The following TRIOBP variants were observed in gnomAD, a reference collection of about 807,000 sequenced individuals.
TRIOBP encodes the protein TRIO and F-actin binding protein.
A neutral mutation model predicts 238.8 loss-of-function variants in TRIOBP; 169 were observed. The ratio of observed to expected loss-of-function variants is 0.71; its 90% CI spans 0.62 to 0.80. The LOEUF is 0.80. Among genes scored for constraint, TRIOBP ranks in the 30% least tolerant of loss-of-function variants. The probability of loss-of-function intolerance (pLI) is 0.00; values close to 1 mark genes in which losing one functional copy is unlikely to be tolerated. For missense variants in TRIOBP, 2,838 were observed against 3,122.6 expected, an observed-to-expected ratio of 0.91 and a Z score of 2.17; for synonymous variants, 1,150 against 1,274.4, an observed-to-expected ratio of 0.90 and a Z score of 2.08.
chr22:37,770,873 G>A lies in TRIOBP; in HGVS notation c.6850-777G>A, dbSNP rs560462418. Among the ~76,000 whole-genome samples, 10 of 151,778 alleles carry A rather than the reference G, an allele frequency of 6.6e-5. No homozygotes were observed. The East Asian group carries it at 7.8e-4, about 12-fold the overall frequency. On this transcript the variant is annotated intron_variant, in intron 21 of 23. Coordinates refer to ENST00000644935, the MANE Select transcript of TRIOBP (RefSeq NM_001039141.3). ...AATTTTTTGTATTTTTAGTAGAGACGGGGTTTCACCATGTTAGCCGGGATG... is the reference window on the plus strand; with the variant it reads ...AATTTTTTGTATTTTTAGTAGAGACAGGGTTTCACCATGTTAGCCGGGATG...
At chr22:37,741,582 C>G (rs1197587413) in intron 11 of TRIOBP, among the ~76,000 whole-genome samples, 1 of 152,238 alleles carries the variant, frequency 6.6e-6, no homozygotes, top group Non-Finnish European at 1.5e-5. Context: ...CTCCAGCAGC[C>G]ACAGGCTGGC....
chr22:37,710,605 G>T, intron 4 of TRIOBP, 39 bp downstream of exon 4: 2 of 1,593,194 alleles, frequency 1.3e-6, no homozygotes, highest in Non-Finnish European at 1.7e-6. Context: ...GCTTCATGGG[G>T]TGGAATGCCC....
chr22:37,699,761 G>A (rs545594893), intron 2 of TRIOBP, among the ~76,000 whole-genome samples: 3 of 152,178 alleles, frequency 2.0e-5, no homozygotes, highest in South Asian at 4.1e-4. Context: ...GGCTGGTCTC[G>A]AACTCCTGAC....
At chr22:37,749,051 G>C (rs1357608294) in intron 11 of TRIOBP, among the ~76,000 whole-genome samples, 1 of 152,120 alleles carries the variant, frequency 6.6e-6, no homozygotes, top group Non-Finnish European at 1.5e-5. Context: ...GCTGGACTTT[G>C]TTTTAAAGCC....
In TRIOBP at chr22:37,734,767, G is replaced by T; in HGVS notation, c.4431G>T (p.Trp1477Cys). ...LGAAKAPEGA[W>C]GGTSREYKES... Reference sequence around the variant, plus strand: ...CAGCCAAAGCCCCGGAGGGAGCATGGGGGGGCACTTCCAGGGAGTACAAGG... The same window carrying T: ...CAGCCAAAGCCCCGGAGGGAGCATGTGGGGGCACTTCCAGGGAGTACAAGG... The change falls in exon 9 of 24, where the codon TGG becomes TGT. Residue 1477 changes from tryptophan (W) to cysteine (C), a missense_variant. Physicochemically the swap from Trp to Cys is radical, Grantham distance 215. Transcript: ENST00000644935. 6.2e-7 allele frequency: 1 copy of T among 1,612,272 alleles called. No individual in the cohort carries two copies. Among genetic ancestry groups the T allele is most frequent in the Non-Finnish European group, 8.5e-7 (1 of 1,179,692 alleles).
At chr22:37,759,052 G>C in intron 16 of TRIOBP, 102 bp from the exon 17 acceptor site, 1 of 970,542 alleles carries the variant, frequency 1.0e-6, no homozygotes. Flanking sequence ...AGGGACGCTG[G>C]GCTTGTATCC....
chr22:37,714,101 C>T (rs892513122), intron 5 of TRIOBP, among the ~76,000 whole-genome samples: 3 of 152,154 alleles, frequency 2.0e-5, no homozygotes, highest in Non-Finnish European at 4.4e-5. Flanking sequence ...AGATTTCAGT[C>T]GCCCCATATG....
Position 37,765,800 on chromosome 22 carries a change from C to A in TRIOBP, c.6455C>A (p.Thr2152Lys), listed in dbSNP as rs534215753. 6.3e-7 allele frequency: 1 copy of A among 1,581,092 alleles called. No individual in the cohort carries two copies. The highest frequency in any genetic ancestry group is 8.5e-7 in the Non-Finnish European group (1 of 1,170,298). Reference protein sequence around the residue: ...QEKEWLLAEETAATASAIEAM... With the variant: ...QEKEWLLAEEKAATASAIEAM... ...AAGGAGTGGCTCCTGGCTGAGGAGA[C>A]GGCAGCCACGGCCTCAGGTATGGAC... Residue 2152 changes from threonine (T) to lysine (K), a missense_variant, in exon 18 of 24, where the codon ACG becomes AAG. Thr to Lys is a moderately conservative substitution (Grantham distance 78). This residue lies in a region of TRIOBP where 2,096 missense variants were observed against 2,137.4 expected (regional missense o/e 0.98). Coordinates refer to ENST00000644935, the MANE Select transcript of TRIOBP (RefSeq NM_001039141.3).
chr22:37,759,769 C>T lies in TRIOBP; in HGVS notation c.6324+505C>T, dbSNP rs904415270. ...TAGGACAGCGGTTCTCAACGGGGTC[C>T]ATTTTGTCCCCCTTGGGGACATTTG... On this transcript the variant is annotated intron_variant, in intron 17 of 23. Coordinates refer to ENST00000644935, the MANE Select transcript of TRIOBP (RefSeq NM_001039141.3). 2.2e-5 allele frequency: 31 copies of T among 1,394,236 alleles called. No homozygotes were observed. In the African/African-American group the frequency reaches 4.2e-4, roughly 19 times the overall value. The allele number at this position is 1,394,236 out of a possible 1,614,324, so 86.4% of individuals were successfully genotyped here. A position where few individuals can be genotyped will look rare whatever the true frequency, so the allele number is the denominator to read the frequency against.
chr22:37,763,296 C>T (rs991863361), intron 17 of TRIOBP, among the ~76,000 whole-genome samples: 15 of 152,146 alleles, frequency 9.9e-5, no homozygotes, highest in Admixed American at 3.9e-4. Context: ...TCAGAGGGGG[C>T]GAGGGGTTTG....
In TRIOBP at chr22:37,723,349, G is replaced by A. The variant is rs960389889; in HGVS notation, c.793G>A (p.Asp265Asn). The change falls in exon 7 of 24, where the codon GAC becomes AAC. Residue 265 changes from aspartate (D) to asparagine (N), a missense_variant. Physicochemically the swap from Asp to Asn is conservative, Grantham distance 23. Around this residue, in one of 5 missense-constraint regions of TRIOBP, gnomAD observed 535 missense variants for 537.3 expected, o/e 1.00. Coordinates refer to ENST00000644935, the MANE Select transcript of TRIOBP (RefSeq NM_001039141.3). ...TTSQASPAQR[D>N]TAQAASTREI... ...GTCTCAGGCTTCTCCTGCCCAAAGGGACACTGCTCAGGCTGCCTCTACACG... is the reference window on the plus strand; with the variant it reads ...GTCTCAGGCTTCTCCTGCCCAAAGGAACACTGCTCAGGCTGCCTCTACACG... 8 of 1,614,042 alleles carry A rather than the reference G, an allele frequency of 5.0e-6. No homozygotes were observed. Among genetic ancestry groups the A allele is most frequent in the Non-Finnish European group, 5.9e-6 (7 of 1,179,984 alleles).
At chr22:37,749,658 A>G (rs900108461) in intron 11 of TRIOBP, among the ~76,000 whole-genome samples, 2 of 151,588 alleles carry the variant, frequency 1.3e-5, no homozygotes, top group Admixed American at 6.6e-5. Flanking sequence ...AAAAACTCAC[A>G]TTGGTTGGCC....
At chr22:37,768,805 C>CT (rs981594580) in intron 19 of TRIOBP, among the ~76,000 whole-genome samples, 1 of 147,936 alleles carries the variant, frequency 6.8e-6, no homozygotes, top group African/African-American at 2.5e-5. Context: ...AAGACTCCAT[C>CT]TAAAAAAAAA....
chr22:37,712,950 C>CT (rs1036340862), intron 4 of TRIOBP, among the ~76,000 whole-genome samples: 2 of 143,138 alleles, frequency 1.4e-5, no homozygotes, highest in Non-Finnish European at 3.0e-5. Context: ...GAGCGAGACT[C>CT]TGTCTCAAAA....
chr22:37,726,230 G>T lies in TRIOBP; in HGVS notation c.3674G>T (p.Arg1225Leu), dbSNP rs753853192. 2 of 1,605,796 alleles carry T rather than the reference G, an allele frequency of 1.2e-6. No homozygotes were observed. The highest frequency in any genetic ancestry group is 1.7e-6 in the Non-Finnish European group (2 of 1,176,396). ...TGCATCGGGCACCGGGATGCACCCC[G>T]AGCCTCCTCCCCACCCCGCCACCCA... ...QVCIGHRDAPRASSPPRHPPS... is the reference protein window; with the variant it reads ...QVCIGHRDAPLASSPPRHPPS... Residue 1225 changes from arginine (R) to leucine (L), a missense_variant, in exon 7 of 24, where the codon CGA becomes CTA. This residue lies in a region of TRIOBP where 2,096 missense variants were observed against 2,137.4 expected (regional missense o/e 0.98). Transcript: ENST00000644935.
chr22:37,760,621 C>A (rs2145873480), intron 17 of TRIOBP, among the ~76,000 whole-genome samples: 1 of 152,266 alleles, frequency 6.6e-6, no homozygotes, highest in Admixed American at 6.5e-5. Context: ...ACAACTACAT[C>A]ACAGAATTAC....
At chr22:37,744,735 G>A (rs1925131614) in intron 11 of TRIOBP, among the ~76,000 whole-genome samples, 1 of 152,226 alleles carries the variant, frequency 6.6e-6, no homozygotes, top group South Asian at 2.1e-4. Context: ...CCAGTTTCTA[G>A]AGTTAGATGG....
At chr22:37,763,719 C>G (rs1239569040) in intron 17 of TRIOBP, among the ~76,000 whole-genome samples, 1 of 152,216 alleles carries the variant, frequency 6.6e-6, no homozygotes, top group Non-Finnish European at 1.5e-5. Flanking sequence ...ACCCCAGGGT[C>G]CTGTCGGTGG....
At chr22:37,728,906 C>T (rs995217171) in intron 7 of TRIOBP, among the ~76,000 whole-genome samples, 1 of 152,042 alleles carries the variant, frequency 6.6e-6, no homozygotes, top group African/African-American at 2.4e-5. Context: ...TGAAAGTCTT[C>T]AGTGTCTTTA....
Sources: allele counts gnomAD v4.1 joint callset (sites outside exome capture counted in the v4.1 genomes callset), GRCh38; gene constraint gnomAD v4.1.1; regional missense constraint gnomAD v4.1.1; transcripts MANE v1.5; gene names NCBI Gene and HGNC (gene_info 2026-07-23, HGNC 2026-07-21).